The following IP6K1 variants were observed in gnomAD, a reference collection of about 807,000 sequenced individuals.
The protein encoded by IP6K1 is inositol hexakisphosphate kinase 1.
IP6K1 carries 13 observed loss-of-function variants against 38.3 expected under a neutral mutation model. The observed-to-expected ratio is 0.34, with a 90% confidence interval of 0.22 to 0.54. The LOEUF (loss-of-function observed/expected upper bound fraction) is 0.54. IP6K1 is among the 20% of genes least tolerant of loss of function. IP6K1 has a pLI of 0.92. For synonymous variants in IP6K1, 212 were observed against 229.9 expected (o/e 0.92, Z 0.70); for missense variants, 397 against 599.8 (o/e 0.66, Z 3.53).
intron 1 of IP6K1, among the ~76,000 whole-genome samples, chr3:49,761,397 C>A (rs1021044951): frequency 1.3e-5 from 2 of 151,800 alleles, no homozygotes; most frequent in Middle Eastern, 3.2e-3. Context: ...GAGGCCGAGG[C>A]GGGCGGATCA....
chr3:49,762,409 C>G (rs1398092094), intron 1 of IP6K1, among the ~76,000 whole-genome samples: 1 of 152,084 alleles, frequency 6.6e-6, no homozygotes, highest in Non-Finnish European at 1.5e-5. Context: ...GGCAAGGTGG[C>G]GGGCGCCTGT....
At chr3:49,783,133 G>A (rs915952363) in intron 1 of IP6K1, among the ~76,000 whole-genome samples, 5 of 145,266 alleles carry the variant, frequency 3.4e-5, no homozygotes, top group African/African-American at 1.3e-4. Context: ...AAAAAAAAAA[G>A]GCCAGGCATG....
At chr3:49,773,660 A>G (rs1281832936) in intron 1 of IP6K1, among the ~76,000 whole-genome samples, 1 of 152,210 alleles carries the variant, frequency 6.6e-6, no homozygotes, top group African/African-American at 2.4e-5. Flanking sequence ...ATTTTATAAT[A>G]CATCTTCCCA....
chr3:49,761,650 C>A (rs978540213), intron 1 of IP6K1, among the ~76,000 whole-genome samples: 2 of 149,776 alleles, frequency 1.3e-5, no homozygotes, highest in African/African-American at 4.9e-5. Flanking sequence ...ACCTAAGGTT[C>A]TCATTAACAA....
chr3:49,739,913 G>A (rs1230461781), intron 2 of IP6K1, among the ~76,000 whole-genome samples: 1 of 152,104 alleles, frequency 6.6e-6, no homozygotes, highest in East Asian at 1.9e-4. Flanking sequence ...TACTCAGGAG[G>A]CTGAGGCAGG....
intron 1 of IP6K1, among the ~76,000 whole-genome samples, chr3:49,761,778 ACT>A (rs1382598944): frequency 6.6e-6 from 1 of 151,644 alleles, no homozygotes; most frequent in African/African-American, 2.4e-5. Context: ...ACAGAGAAAG[ACT>A]CTGTCTCTAC....
chr3:49,740,412 C>T (rs1220190935), intron 2 of IP6K1, among the ~76,000 whole-genome samples: 1 of 152,020 alleles, frequency 6.6e-6, no homozygotes, highest in Non-Finnish European at 1.5e-5. Context: ...GCATTAAGTA[C>T]ATTGACAATA....
chr3:49,741,638 G>A (rs2080669923), intron 2 of IP6K1, among the ~76,000 whole-genome samples: 1 of 152,162 alleles, frequency 6.6e-6, no homozygotes, highest in South Asian at 2.1e-4. Context: ...AACTTTAACA[G>A]TCCCAAACAC....
intron 2 of IP6K1, among the ~76,000 whole-genome samples, chr3:49,740,764 T>C (rs1182567885): frequency 6.6e-6 from 1 of 152,204 alleles, no homozygotes; most frequent in Non-Finnish European, 1.5e-5. Context: ...TGATGGACAC[T>C]TGGGTTGTTT....
intron 4 of IP6K1, among the ~76,000 whole-genome samples, chr3:49,729,071 G>A (rs1448568444): frequency 6.6e-6 from 1 of 151,016 alleles, no homozygotes; most frequent in African/African-American, 2.4e-5. Flanking sequence ...TTTCCTGCTT[G>A]TACCCATTAA....
chr3:49,777,597 A>G (rs1328333199), intron 1 of IP6K1, among the ~76,000 whole-genome samples: 1 of 151,630 alleles, frequency 6.6e-6, no homozygotes, highest in Non-Finnish European at 1.5e-5. Flanking sequence ...TTATACCACA[A>G]TAAAGTTGGA....
At chr3:49,763,358 G>C (rs1160476239) in intron 1 of IP6K1, among the ~76,000 whole-genome samples, 4 of 151,660 alleles carry the variant, frequency 2.6e-5, no homozygotes, top group Admixed American at 6.6e-5. Flanking sequence ...ACCCGCCTCG[G>C]GCTCCCAAAG....
At chr3:49,770,051 A>T (rs538964411) in intron 1 of IP6K1, among the ~76,000 whole-genome samples, 172 of 151,982 alleles carry the variant, frequency 1.1e-3, no homozygotes, top group African/African-American at 4.0e-3. Context: ...ACATAGAAAA[A>T]ACTAGCCCTG....
chr3:49,762,480 G>A (rs1391911816), intron 1 of IP6K1, among the ~76,000 whole-genome samples: 1 of 152,120 alleles, frequency 6.6e-6, no homozygotes, highest in Non-Finnish European at 1.5e-5. Flanking sequence ...AACCCGGGAG[G>A]CAGAGGTTAC....
At chr3:49,783,025 C>A (rs1026326286) in intron 1 of IP6K1, among the ~76,000 whole-genome samples, 2 of 150,890 alleles carry the variant, frequency 1.3e-5, no homozygotes, top group African/African-American at 4.9e-5. Context: ...GAGGCTGAGG[C>A]AGGAGTATCA....
At chr3:49,772,633 A>T (rs1163165707) in intron 1 of IP6K1, among the ~76,000 whole-genome samples, 1 of 150,602 alleles carries the variant, frequency 6.6e-6, no homozygotes, top group Non-Finnish European at 1.5e-5. Flanking sequence ...AAACTCCTGG[A>T]CTCAAGTGAT....
chr3:49,754,376 A>AG (rs1014241736), intron 1 of IP6K1, among the ~76,000 whole-genome samples: 1 of 34,720 alleles, frequency 2.9e-5, no homozygotes, highest in African/African-American at 7.8e-5. Flanking sequence ...ATCTTGTCTC[A>AG]GGGGAAAAAA....
At chr3:49,767,504 G>A (rs1488681933) in intron 1 of IP6K1, among the ~76,000 whole-genome samples, 2 of 151,966 alleles carry the variant, frequency 1.3e-5, no homozygotes, top group Non-Finnish European at 2.9e-5. Flanking sequence ...CACTTGAACC[G>A]GGAGGCGGAA....
intron 2 of IP6K1, among the ~76,000 whole-genome samples, chr3:49,744,422 AAAAAAAG>A (rs1424151829): frequency 1.3e-4 from 19 of 151,588 alleles, no homozygotes; most frequent in African/African-American, 4.6e-4. Flanking sequence ...AAAAAAAAAA[AAAAAAAG>A]AAATTAGAAT....
Sources: allele counts gnomAD v4.1 joint callset (sites outside exome capture counted in the v4.1 genomes callset), GRCh38; gene constraint gnomAD v4.1.1; transcripts MANE v1.5; gene names NCBI Gene and HGNC (gene_info 2026-07-23, HGNC 2026-07-21).